SH3GL3: variants seen among roughly 807,000 people sequenced by gnomAD.
SH3GL3 encodes the protein SH3 domain containing GRB2 like 3, endophilin A3, also known as endophilin-A3.
A neutral mutation model predicts 47.7 loss-of-function variants in SH3GL3; 33 were observed. The observed-to-expected ratio is 0.69, with a 90% CI of 0.52 to 0.92. The LOEUF is 0.92. Among genes scored for constraint, SH3GL3 ranks in the 40% least tolerant of loss-of-function variants. The pLI is 0.00. For synonymous variants in SH3GL3, 155 were observed against 148.8 expected (o/e 1.04, Z -0.30); for missense variants, 363 against 417.8 (o/e 0.87, Z 1.14).
chr15:83,546,298 C>T (rs1161425250), intron 1 of SH3GL3, among the ~76,000 whole-genome samples: 1 of 151,758 alleles, frequency 6.6e-6, no homozygotes, highest in East Asian at 2.0e-4. Flanking sequence ...GAGTCTCTGC[C>T]CAGACAATCA....
intron 8 of SH3GL3, among the ~76,000 whole-genome samples, chr15:83,617,493 A>G (rs2060855375): frequency 6.6e-6 from 1 of 152,174 alleles, no homozygotes; most frequent in Non-Finnish European, 1.5e-5. Flanking sequence ...ACTGGCCAAT[A>G]TGGTGAAACC....
At chr15:83,512,922 T>C (rs2151633701) in intron 1 of SH3GL3, among the ~76,000 whole-genome samples, 1 of 152,348 alleles carries the variant, frequency 6.6e-6, no homozygotes, top group African/African-American at 2.4e-5. Flanking sequence ...GTTATCTCTT[T>C]CTTTTTCCTT....
At chr15:83,557,243 T>C (rs1262130687) in intron 1 of SH3GL3, among the ~76,000 whole-genome samples, 2 of 152,164 alleles carry the variant, frequency 1.3e-5, no homozygotes, top group African/African-American at 4.8e-5. Flanking sequence ...ACCTCCAAAG[T>C]TGAGAACCAA....
downstream of SH3GL3, among the ~76,000 whole-genome samples, chr15:83,622,620 C>T (rs1438892780): frequency 1.3e-5 from 2 of 152,234 alleles, no homozygotes; most frequent in African/African-American, 4.8e-5. Context: ...AGGATCATGA[C>T]CTGGCAGTGA....
chr15:83,622,433 A>T (rs1181124522), downstream of SH3GL3, among the ~76,000 whole-genome samples: 1 of 152,248 alleles, frequency 6.6e-6, no homozygotes, highest in African/African-American at 2.4e-5. Flanking sequence ...CAATGCCCAT[A>T]ATATGCTTAG....
the SH3GL3 span, among the ~76,000 whole-genome samples, chr15:83,632,918 T>C: frequency 6.6e-6 from 1 of 152,162 alleles, no homozygotes; most frequent in Non-Finnish European, 1.5e-5. Flanking sequence ...CAAAAGAAGA[T>C]ATAAATGTTC....
In SH3GL3 at chr15:83,448,267, G is replaced by C. The variant is rs1189870773; in HGVS notation, c.45+689G>C. 6.6e-6 allele frequency among the ~76,000 whole-genome samples: 1 copy of C among 152,148 alleles called. No homozygotes were observed. The highest frequency in any genetic ancestry group is 2.4e-5 in the African/African-American group (1 of 41,430). On this transcript the variant is annotated intron_variant, in intron 1 of 8. Transcript: ENST00000427482. This position sits in a 1 kb window ranked among gnomAD's most constrained non-coding sequence, Gnocchi z 4.2. Reference sequence around the variant, plus strand: ...CAAACAGTGCTAGACACACCTCCACGCACAGAGGATGACAAATAACACAGT... The same window carrying C: ...CAAACAGTGCTAGACACACCTCCACCCACAGAGGATGACAAATAACACAGT...
At chr15:83,465,434 G>A (rs1042818808) in intron 1 of SH3GL3, among the ~76,000 whole-genome samples, 8 of 151,886 alleles carry the variant, frequency 5.3e-5, no homozygotes, top group East Asian at 1.9e-4. Flanking sequence ...CTTCCTCTTC[G>A]GGCCTGTGAA....
chr15:83,559,620 A>C (rs2045156148), intron 2 of SH3GL3, among the ~76,000 whole-genome samples: 1 of 152,234 alleles, frequency 6.6e-6, no homozygotes, highest in Non-Finnish European at 1.5e-5. Flanking sequence ...TGCAAGGCCA[A>C]AGTAATTGGT....
At chr15:83,599,173 C>T (rs1230958295) in intron 8 of SH3GL3, among the ~76,000 whole-genome samples, 1 of 152,060 alleles carries the variant, frequency 6.6e-6, no homozygotes, top group African/African-American at 2.4e-5. Flanking sequence ...AAGCACTCCC[C>T]CTTTCCTTTC....
intron 1 of SH3GL3, among the ~76,000 whole-genome samples, chr15:83,532,260 G>A (rs1256133676): frequency 6.6e-6 from 1 of 152,202 alleles, no homozygotes; most frequent in African/African-American, 2.4e-5. Flanking sequence ...AGTTTGAGAA[G>A]TTTGGGTTGG....
intron 1 of SH3GL3, among the ~76,000 whole-genome samples, chr15:83,542,570 AT>A (rs2044216130): frequency 1.3e-5 from 2 of 152,148 alleles, no homozygotes; most frequent in Admixed American, 1.3e-4. Flanking sequence ...TAGGTATGAA[AT>A]TTTAACAATA....
intron 1 of SH3GL3, among the ~76,000 whole-genome samples, chr15:83,545,293 G>C (rs889350622): frequency 1.3e-5 from 2 of 151,942 alleles, no homozygotes; most frequent in Non-Finnish European, 2.9e-5. Flanking sequence ...CAGTTCTTCT[G>C]TTTAGAGACT....
intron 1 of SH3GL3, among the ~76,000 whole-genome samples, chr15:83,552,189 C>T (rs571903779): frequency 6.6e-6 from 1 of 152,300 alleles, no homozygotes; most frequent in Non-Finnish European, 1.5e-5. Context: ...AGTTGGTAGA[C>T]TTTCCAACCT....
Position 83,603,429 on chromosome 15 carries a change from C to T in SH3GL3, c.839-14653C>T, listed in dbSNP as rs566074396. ...TTCCTTCCTTGTCTTACCCATGCTT[C>T]GCTTTCTTAACTTACAGAGGCTACC... is the stretch of plus-strand genomic sequence containing the variant. On this transcript the variant is annotated intron_variant, in intron 8 of 8. Coordinates refer to ENST00000427482, the MANE Select transcript of SH3GL3 (RefSeq NM_003027.5). Among the ~76,000 whole-genome samples the T allele has an allele frequency of 1.1e-4, 16 of 152,304 alleles. No individual in the cohort carries two copies. In the South Asian group the frequency reaches 3.3e-3, roughly 32 times the overall value.
intron 1 of SH3GL3, among the ~76,000 whole-genome samples, chr15:83,475,331 T>C (rs1252110584): frequency 2.0e-5 from 3 of 151,602 alleles, no homozygotes; most frequent in African/African-American, 7.3e-5. Context: ...TATAAAAAAT[T>C]AACCGGGCGG....
At chr15:83,533,460 C>G (rs1464200289) in intron 1 of SH3GL3, among the ~76,000 whole-genome samples, 1 of 152,150 alleles carries the variant, frequency 6.6e-6, no homozygotes, top group Non-Finnish European at 1.5e-5. Flanking sequence ...GGCTTAGGAT[C>G]TGGAAATACA....
At chr15:83,612,488 A>G (rs762258113) in intron 8 of SH3GL3, among the ~76,000 whole-genome samples, 3 of 152,158 alleles carry the variant, frequency 2.0e-5, no homozygotes, top group Non-Finnish European at 2.9e-5. Flanking sequence ...ACTTGAGGGA[A>G]TTTGTTCACA....
At chr15:83,591,736 A>G (rs1406131084) in intron 8 of SH3GL3, among the ~76,000 whole-genome samples, 1 of 151,996 alleles carries the variant, frequency 6.6e-6, no homozygotes, top group East Asian at 1.9e-4. Context: ...CCCAGGCTGG[A>G]GTGCAGTGGC....
Sources: allele counts gnomAD v4.1 joint callset (sites outside exome capture counted in the v4.1 genomes callset), GRCh38; gene constraint gnomAD v4.1.1; non-coding constraint Gnocchi (gnomAD v3.1); transcripts MANE v1.5; gene names NCBI Gene and HGNC (gene_info 2026-07-23, HGNC 2026-07-21).